The following RB1 variants were observed in gnomAD, a reference collection of about 807,000 sequenced individuals.
RB1 encodes the protein RB transcriptional corepressor 1.
In RB1, 18 loss-of-function variants were observed where a neutral mutation model predicts 135.4. The observed-to-expected ratio is 0.13, with a 90% CI of 0.09 to 0.20. The LOEUF is 0.20. Ranked by LOEUF, RB1 falls within the 10% of genes least tolerant of loss-of-function variation. The probability of loss-of-function intolerance (pLI) is 1.00; values close to 1 mark genes in which losing one functional copy is unlikely to be tolerated. For missense variants in RB1, 868 were observed against 1,110.0 expected (o/e 0.78, Z 3.10); for synonymous variants, 365 against 373.2 (o/e 0.98, Z 0.25).
intron 2 of RB1, chr13:48,320,514 T>A (rs1952225593): frequency 1.7e-6 from 1 of 586,546 alleles, no homozygotes; most frequent in African/African-American, 1.9e-5. Context: ...GACGACGCTT[T>A]ATTTCTCTGC....
chr13:48,433,487 G>A (rs1307370191), intron 17 of RB1, among the ~76,000 whole-genome samples: 1 of 152,062 alleles, frequency 6.6e-6, no homozygotes, highest in South Asian at 2.1e-4. Flanking sequence ...ACCTGCTGGA[G>A]ATGAATCTGT....
chr13:48,412,496 A>AGAGGTTATAATCTG, intron 17 of RB1: 1 of 899,778 alleles, frequency 1.1e-6, no homozygotes, highest in Non-Finnish European at 1.9e-6. Flanking sequence ...TTCAGATTAT[A>AGAGGTTATAATCTG]ACCTCTATAA....
intron 17 of RB1, among the ~76,000 whole-genome samples, chr13:48,413,264 A>G (rs1287609979): frequency 3.3e-5 from 5 of 152,196 alleles, no homozygotes; most frequent in Admixed American, 3.3e-4. Context: ...AGGCTTGCAA[A>G]TGGTCACTGG....
chr13:48,365,500 G>T (rs543020266), intron 9 of RB1, among the ~76,000 whole-genome samples: 2 of 152,040 alleles, frequency 1.3e-5, no homozygotes, highest in East Asian at 3.9e-4. Flanking sequence ...GTTTTGTTTC[G>T]CATTTTGCTA....
At chr13:48,430,893 A>G (rs1223754321) in intron 17 of RB1, among the ~76,000 whole-genome samples, 2 of 152,164 alleles carry the variant, frequency 1.3e-5, no homozygotes, top group African/African-American at 4.8e-5. Context: ...ACTGTACTTC[A>G]GCCTGGGTGA....
chr13:48,344,124 C>A (rs1376248622), intron 3 of RB1, among the ~76,000 whole-genome samples: 1 of 152,138 alleles, frequency 6.6e-6, no homozygotes, highest in African/African-American at 2.4e-5. Flanking sequence ...TTGATGATTG[C>A]TATCTTTAAT....
At chr13:48,474,454 A>G (rs542604785) in intron 24 of RB1, among the ~76,000 whole-genome samples, 22 of 152,332 alleles carry the variant, frequency 1.4e-4, no homozygotes, top group African/African-American at 4.3e-4. Flanking sequence ...ATATCTTTCA[A>G]TGATACCATG....
chr13:48,380,231 C>A lies in RB1; in HGVS notation c.1488C>A (p.Ala496=), dbSNP rs2138143134. The part of the protein sequence containing the change: ...LLACALEVVM[A]TYSRSTSQNL... ...CGTGCGCTCTTGAGGTTGTAATGGCCACATATAGCAGTAAGTTAAATTTTC... is the reference window on the plus strand; with the variant it reads ...CGTGCGCTCTTGAGGTTGTAATGGCAACATATAGCAGTAAGTTAAATTTTC... Residue 496 remains alanine (A), a synonymous_variant, in exon 16 of 27, where the codon GCC becomes GCA. Transcript: ENST00000267163. 1 of 1,595,688 alleles carries A rather than the reference C, an allele frequency of 6.3e-7. No individual in the cohort carries two copies. Among genetic ancestry groups the A allele is most frequent in the Non-Finnish European group, 8.6e-7 (1 of 1,165,770 alleles).
At chr13:48,311,376 C>T (rs1038673542) in intron 2 of RB1, among the ~76,000 whole-genome samples, 1 of 152,132 alleles carries the variant, frequency 6.6e-6, no homozygotes, top group Non-Finnish European at 1.5e-5. Context: ...AGAAATGCAT[C>T]ATTAGGTGAT....
chr13:48,477,274 C>G, intron 25 of RB1, 81 bp from the exon 26 acceptor site: 1 of 1,001,264 alleles, frequency 1.0e-6, no homozygotes, highest in Non-Finnish European at 1.5e-6. Flanking sequence ...AGTAAGTCAT[C>G]GAAAGCATCA....
intron 2 of RB1, among the ~76,000 whole-genome samples, chr13:48,340,561 A>AT (rs1952433272): frequency 1.6e-5 from 2 of 123,024 alleles, no homozygotes; most frequent in African/African-American, 7.8e-5. Context: ...CTTTCGCTTC[A>AT]TTTTTTAATC....
intron 24 of RB1, among the ~76,000 whole-genome samples, chr13:48,473,666 C>T (rs984147057): frequency 2.0e-5 from 3 of 152,068 alleles, no homozygotes; most frequent in African/African-American, 7.2e-5. Context: ...TACATATATA[C>T]GTGAGCTGTT....
chr13:48,445,880 A>G (rs536790017), intron 17 of RB1, among the ~76,000 whole-genome samples: 18 of 152,296 alleles, frequency 1.2e-4, no homozygotes, highest in African/African-American at 4.3e-4. Flanking sequence ...CTAACATTTG[A>G]GGTAAAAAAC....
Position 48,363,090 on chromosome 13 carries a change from A to G in RB1, c.861+133A>G, listed in dbSNP as rs185919648. The G allele has an allele frequency of 1.9e-4, 214 of 1,103,426 alleles. No individual in the cohort carries two copies. In the East Asian group the frequency reaches 5.4e-3, roughly 28 times the overall value. The allele number at this position is 1,103,426 out of a possible 1,614,324, so 68.4% of individuals were successfully genotyped here. ...GTGCTAACTCTTTTGCAGTAGCAAA[A>G]TATTTAGAAAAAATTAATTCGTTAT... is the stretch of plus-strand genomic sequence containing the variant. On this transcript the variant is annotated intron_variant, in intron 8 of 26. Transcript: ENST00000267163.
rs754354560 is a variant in RB1 at position 48,303,912 on chromosome 13, C to T, written c.-1C>T. The T allele has an allele frequency of 7.3e-6, 11 of 1,515,678 alleles. No homozygotes were observed. In the South Asian group the frequency reaches 8.5e-5, roughly 12 times the overall value. The allele number at this position is 1,515,678 out of a possible 1,614,324, so 93.9% of individuals were successfully genotyped here. A position where few individuals can be genotyped will look rare whatever the true frequency, so the allele number is the denominator to read the frequency against. ...GCTGGCTCCCGCCGCGGAAAGGCGTCATGCCGCCCAAAACCCCCCGAAAAA... is the reference window on the plus strand; with the variant it reads ...GCTGGCTCCCGCCGCGGAAAGGCGTTATGCCGCCCAAAACCCCCCGAAAAA... On this transcript the variant is annotated 5_prime_UTR_variant, in exon 1 of 27. Coordinates refer to ENST00000267163, the MANE Select transcript of RB1 (RefSeq NM_000321.3).
At chr13:48,314,682 T>C (rs1952164725) in intron 2 of RB1, among the ~76,000 whole-genome samples, 1 of 151,866 alleles carries the variant, frequency 6.6e-6, no homozygotes, top group African/African-American at 2.4e-5. Flanking sequence ...GCGCCTGTAG[T>C]CCCAGCTACT....
chr13:48,366,911 G>A (rs1952706352), intron 9 of RB1, among the ~76,000 whole-genome samples: 1 of 152,090 alleles, frequency 6.6e-6, no homozygotes, highest in Non-Finnish European at 1.5e-5. Flanking sequence ...CTGAGGTCAG[G>A]AGTTCAAGAC....
In RB1 at chr13:48,476,728, C is replaced by A. The variant is rs886042935; in HGVS notation, c.2548C>A (p.Gln850Lys). The part of the protein sequence containing the change: ...GTSEKFQKIN[Q>K]MVCNSDRVLK... ...TTCTGAGAAGTTCCAGAAAATAAAT[C>A]AGATGGTATGTAACAGCGACCGTGT... Residue 850 changes from glutamine (Q) to lysine (K), a missense_variant, in exon 25 of 27, where the codon CAG (glutamine) becomes AAG (lysine). Gln to Lys is a moderately conservative substitution (Grantham distance 53, BLOSUM62 1). Transcript: ENST00000267163. The A allele has an allele frequency of 6.2e-7, 1 of 1,613,224 alleles. No individual in the cohort carries two copies. The highest frequency in any genetic ancestry group is 8.5e-7 in the Non-Finnish European group (1 of 1,179,394).
intron 26 of RB1, among the ~76,000 whole-genome samples, chr13:48,478,831 A>G (rs1482466840): frequency 6.6e-6 from 1 of 152,228 alleles, no homozygotes; most frequent in Non-Finnish European, 1.5e-5. Flanking sequence ...GCTTCTTTAT[A>G]AAGAACTCAT....
Sources: gnomAD v4.1 joint callset for allele counts (sites outside exome capture counted in the v4.1 genomes callset) on GRCh38, gnomAD v4.1.1 for gene constraint, MANE v1.5 for transcripts, NCBI Gene and HGNC (gene_info 2026-07-23, HGNC 2026-07-21) for gene names.